FRMD7: variants seen among roughly 807,000 people sequenced by gnomAD.
The protein encoded by FRMD7 is FERM domain containing 7.
In FRMD7, 14 loss-of-function variants were observed where a neutral mutation model predicts 44.1. The observed-to-expected ratio is 0.32, with a 90% CI of 0.21 to 0.50. The LOEUF (loss-of-function observed/expected upper bound fraction) is 0.50. Among genes scored for constraint, FRMD7 ranks in the 20% least tolerant of loss-of-function variants. FRMD7 has a pLI of 0.99. For missense variants in FRMD7, 501 were observed against 522.3 expected, an observed-to-expected ratio of 0.96 and a Z score of 0.40; for synonymous variants, 212 against 187.4, an observed-to-expected ratio of 1.13 and a Z score of -1.07.
At position 132,078,219 on chromosome X, in the gene FRMD7, G is replaced by A. The variant is rs779971174; in HGVS notation, c.1798C>T (p.Arg600Cys). The A allele has an allele frequency of 3.1e-5, 38 of 1,209,477 alleles. No individual in the cohort carries two copies. The highest frequency in any genetic ancestry group is 3.7e-5 in the Non-Finnish European group (33 of 894,619). ...SQSQSDMKTIRFPFGSEFRPL... is the reference protein window; with the variant it reads ...SQSQSDMKTICFPFGSEFRPL... The stretch of plus-strand genomic sequence containing the variant: ...CTAAATTCTGACCCAAAAGGAAAAC[G>A]AATAGTTTTCATGTCTGATTGGCTC... The change falls in exon 12 of 12, where the codon CGT becomes TGT. Residue 600 changes from arginine (R) to cysteine (C), a missense_variant. Transcript: ENST00000298542.
chrX:132,124,079 C>T (rs1037427602), intron 1 of FRMD7, among the ~76,000 whole-genome samples: 1 of 111,579 alleles, frequency 9.0e-6, no homozygotes, highest in African/African-American at 3.3e-5. Context: ...TGCACACATG[C>T]ATGTGCATGT....
chrX:132,081,106 T>A (rs1359679963), intron 9 of FRMD7, among the ~76,000 whole-genome samples: 1 of 111,463 alleles, frequency 9.0e-6, no homozygotes, highest in African/African-American at 3.3e-5. Context: ...AGGCCAAGGC[T>A]GGTGGATTAC....
chrX:132,105,464 C>G (rs1217883998), intron 1 of FRMD7, among the ~76,000 whole-genome samples: 2 of 111,554 alleles, frequency 1.8e-5, no homozygotes, highest in Non-Finnish European at 3.8e-5. Context: ...ATGCAATTCC[C>G]ATCAAACTAC....
chrX:132,119,543 G>A (rs1432474077), intron 1 of FRMD7, among the ~76,000 whole-genome samples: 1 of 111,523 alleles, frequency 9.0e-6, no homozygotes, highest in African/African-American at 3.3e-5. Context: ...AGGGCCTGGG[G>A]TCAGCTCACC....
intron 7 of FRMD7, among the ~76,000 whole-genome samples, chrX:132,085,189 C>T (rs897756655): frequency 1.8e-5 from 2 of 111,649 alleles, no homozygotes; most frequent in African/African-American, 6.5e-5. Context: ...GCAGCCTACA[C>T]CCATTTCCAA....
chrX:132,078,050 T>C lies in FRMD7; in HGVS notation c.1967A>G (p.Glu656Gly), dbSNP rs924442672. 1.7e-6 allele frequency: 2 copies of C among 1,211,357 alleles called. No individual in the cohort carries two copies. The highest frequency in any genetic ancestry group is 2.2e-6 in the Non-Finnish European group (2 of 895,198). The change falls in exon 12 of 12, where the codon GAG (glutamate) becomes GGG (glycine). Residue 656 changes from glutamate to glycine, a missense_variant. By Grantham distance (98) the Glu-to-Gly change is moderately conservative. This residue lies in a region of FRMD7 where 453 missense variants were observed against 452.7 expected (regional missense o/e 1.00). Coordinates refer to ENST00000298542, the MANE Select transcript of FRMD7 (RefSeq NM_194277.3). ...VASESSDSES[E>G]ILKPDYYALY... The stretch of plus-strand genomic sequence containing the variant: ...AGCATAGTAGTCTGGTTTAAGAATC[T>C]CTGATTCAGAATCACTGGATTCACT...
Position 132,078,478 on chromosome X carries a change from T to C in FRMD7, c.1539A>G (p.Ala513=). ...AGCTATGTGGACTTGTCCTTTCCTC[T>C]GCTCTAATTGGGGACCATCTGGGCA... ...PQVPRWSPIR[A]EERTSPHSYV... Residue 513 remains alanine (A), a synonymous_variant, in exon 12 of 12, where the codon GCA becomes GCG. Transcript: ENST00000298542. 1 of 1,211,052 alleles carries C rather than the reference T, an allele frequency of 8.3e-7. No homozygotes were observed. The highest frequency in any genetic ancestry group is 1.1e-6 in the Non-Finnish European group (1 of 894,988).
intron 1 of FRMD7, among the ~76,000 whole-genome samples, chrX:132,102,296 C>T (rs1489554816): frequency 8.9e-6 from 1 of 111,907 alleles, no homozygotes; most frequent in African/African-American, 3.3e-5. Context: ...AACCCCAGTC[C>T]GATTTTTAAA....
In FRMD7 at chrX:132,077,564, A is replaced by G; in HGVS notation, c.*308T>C. 1 of 292,806 alleles carries G rather than the reference A, an allele frequency of 3.4e-6. No homozygotes were observed. The highest frequency in any genetic ancestry group is 6.1e-6 in the Non-Finnish European group (1 of 165,276). The allele number at this position is 292,806 out of a possible 1,213,427, so 24.1% of individuals were successfully genotyped here. On this transcript the variant is annotated 3_prime_UTR_variant, in exon 12 of 12. Coordinates refer to ENST00000298542, the MANE Select transcript of FRMD7 (RefSeq NM_194277.3). ...TACTGTCACCATTCTTCAGCATTGA[A>G]GAGCCTGACCTTCACTCACAATGTC...
intron 1 of FRMD7, among the ~76,000 whole-genome samples, chrX:132,126,699 C>G (rs962059430): frequency 8.9e-6 from 1 of 112,203 alleles, no homozygotes; most frequent in Non-Finnish European, 1.9e-5. Flanking sequence ...TTTTCCACCC[C>G]TTAAATATAG....
At chrX:132,086,890 G>A (rs928529007) in intron 5 of FRMD7, among the ~76,000 whole-genome samples, 7 of 111,930 alleles carry the variant, frequency 6.3e-5, no homozygotes, top group African/African-American at 2.3e-4. Flanking sequence ...TGTACATTGG[G>A]AGTCTAGTAA....
At chrX:132,125,378 T>G (rs1216948264) in intron 1 of FRMD7, among the ~76,000 whole-genome samples, 1 of 111,920 alleles carries the variant, frequency 8.9e-6, no homozygotes, top group East Asian at 2.8e-4. Flanking sequence ...TGTTCCCTTA[T>G]GCAACCAATT....
At chrX:132,100,456 G>T (rs765940454) in intron 2 of FRMD7, among the ~76,000 whole-genome samples, 156 bp downstream of exon 2, 11 of 112,276 alleles carry the variant, frequency 9.8e-5, no homozygotes, top group African/African-American at 2.9e-4. Context: ...TAAACAAAGA[G>T]GGAGGACAAA....
At chrX:132,101,535 G>A (rs1032237531) in intron 1 of FRMD7, among the ~76,000 whole-genome samples, 7 of 112,086 alleles carry the variant, frequency 6.2e-5, no homozygotes, top group Non-Finnish European at 1.3e-4. Context: ...CCATAGCAGG[G>A]ACTTTGCTTT....
At chrX:132,110,582 T>G (rs1928753334) in intron 1 of FRMD7, among the ~76,000 whole-genome samples, 1 of 111,620 alleles carries the variant, frequency 9.0e-6, no homozygotes, top group Admixed American at 9.5e-5. Flanking sequence ...TGCTCATCCT[T>G]GACATTTGTT....
chrX:132,108,929 G>A (rs1037230949), intron 1 of FRMD7, among the ~76,000 whole-genome samples: 30 of 111,575 alleles, frequency 2.7e-4, no homozygotes, highest in African/African-American at 7.5e-4. Flanking sequence ...CCAGCCATGC[G>A]GAACTGTGAA....
chrX:132,089,223 T>C (rs1224714318), intron 5 of FRMD7, among the ~76,000 whole-genome samples: 6 of 112,126 alleles, frequency 5.4e-5, no homozygotes, highest in African/African-American at 1.6e-4. Flanking sequence ...TTGACAAATG[T>C]GCCAAGACAA....
intron 1 of FRMD7, among the ~76,000 whole-genome samples, chrX:132,113,561 G>C (rs1054824812): frequency 8.9e-6 from 1 of 111,759 alleles, no homozygotes; most frequent in African/African-American, 3.3e-5. Context: ...TGAATGATAA[G>C]AGAGAGATAA....
rs753788736 is a variant in FRMD7 at position 132,077,320 on chromosome X, C to T, written c.*552G>A. On this transcript the variant is annotated 3_prime_UTR_variant, in exon 12 of 12. Transcript: ENST00000298542. ...TATTCTCTTGAGAGGATCTATGCCA[C>T]CACCTCCTTCCTGAGGCTGTAGGAG... The T allele has an allele frequency of 8.8e-6, 1 of 114,025 alleles. No individual in the cohort carries two copies. The highest frequency in any genetic ancestry group is 2.8e-4 in the East Asian group (1 of 3,635). The allele number at this position is 114,025 out of a possible 1,213,427, so 9.4% of individuals were successfully genotyped here.
Sources: gnomAD v4.1 joint callset for allele counts (sites outside exome capture counted in the v4.1 genomes callset) on GRCh38, gnomAD v4.1.1 for gene constraint, gnomAD v4.1.1 regional missense constraint, MANE v1.5 for transcripts, NCBI Gene and HGNC (gene_info 2026-07-23, HGNC 2026-07-21) for gene names.